The following JMJD1C variants were observed in gnomAD, a reference collection of about 807,000 sequenced individuals.
The protein encoded by JMJD1C is jumonji domain containing 1C, also known as jumonji domain-containing protein 1C.
JMJD1C carries 31 observed loss-of-function variants against 245.3 expected under a neutral mutation model. That is an observed-to-expected ratio of 0.13 (90% CI 0.09 to 0.17). The LOEUF (loss-of-function observed/expected upper bound fraction) is 0.17, where lower values mean the gene tolerates loss of function less well. Ranked by LOEUF, JMJD1C falls within the 10% of genes least tolerant of loss-of-function variation. The probability of loss-of-function intolerance (pLI) is 1.00; values close to 1 mark genes in which losing one functional copy is unlikely to be tolerated. For synonymous variants in JMJD1C, 1,057 were observed against 1,017.4 expected (o/e 1.04, Z -0.74); for missense variants, 2,691 against 3,000.2 (o/e 0.90, Z 2.41).
chr10:63,209,864 G>C (rs971582062), intron 8 of JMJD1C, among the ~76,000 whole-genome samples: 1 of 152,120 alleles, frequency 6.6e-6, no homozygotes, highest in Non-Finnish European at 1.5e-5. Flanking sequence ...TAAGGTGACA[G>C]CAACCTCTTC....
At chr10:63,319,641 T>C (rs1364715912) in intron 2 of JMJD1C, among the ~76,000 whole-genome samples, 1 of 152,320 alleles carries the variant, frequency 6.6e-6, no homozygotes, top group African/African-American at 2.4e-5. Flanking sequence ...ATTTGATAGC[T>C]GTCAATTTTT....
chr10:63,216,828 T>A (rs921144976), intron 5 of JMJD1C, among the ~76,000 whole-genome samples: 1 of 152,258 alleles, frequency 6.6e-6, no homozygotes, highest in East Asian at 1.9e-4. Context: ...AGAAATGTAC[T>A]GTGTGTTTAA....
Position 63,406,510 on chromosome 10 carries a change from TAAAAAAA to T in JMJD1C, c.169-26035_169-26029del, listed in dbSNP as rs1949180573. 1.3e-5 allele frequency among the ~76,000 whole-genome samples: 2 copies of T among 151,734 alleles called. 1 individual carries two copies. The highest frequency in any genetic ancestry group is 4.1e-4 in the South Asian group (2 of 4,828). On this transcript the variant is annotated intron_variant, in intron 1 of 25. Transcript: ENST00000399262. ...TTATTTGTAAGATGGTTTAAAGGCA[TAAAAAAA>T]GAAAAAAGGCTACACCAAGAGGTAA...
chr10:63,178,341 A>G (rs1293865887), intron 22 of JMJD1C, among the ~76,000 whole-genome samples: 1 of 152,232 alleles, frequency 6.6e-6, no homozygotes, highest in Non-Finnish European at 1.5e-5. Context: ...TGATTTTCCC[A>G]GTTTGTTTTA....
chr10:63,418,182 C>T (rs1949907462), intron 1 of JMJD1C, among the ~76,000 whole-genome samples: 1 of 152,118 alleles, frequency 6.6e-6, no homozygotes, highest in Non-Finnish European at 1.5e-5. Flanking sequence ...AGCCATACTA[C>T]TATAGTTTCT....
In JMJD1C at chr10:63,248,529, G is replaced by GATAGATAGATAAATAAATAAATAA. The variant is rs566828473; in HGVS notation, c.447+16121_447+16122insTTATTTATTTATTTATCTATCTAT. ...GAATGAGACCTCATCTCAATAGATA[G>GATAGATAGATAAATAAATAAATAA]ATAAATAAATAAATAAATAAATAAA... On this transcript the variant is annotated intron_variant, in intron 3 of 25. Transcript: ENST00000399262. Among the ~76,000 whole-genome samples, 987 of 137,032 alleles carry GATAGATAGATAAATAAATAAATAA rather than the reference G, an allele frequency of 7.2e-3. 6 individuals are homozygous for GATAGATAGATAAATAAATAAATAA. The highest frequency in any genetic ancestry group is 0.011 in the East Asian group (50 of 4,582). 89.9% of individuals were successfully genotyped at this position (137,032 alleles called of 152,430 possible).
At position 63,223,131 on chromosome 10, in the gene JMJD1C, G is replaced by GC. The variant is rs1554844010; in HGVS notation, c.448-3149dup. On this transcript the variant is annotated intron_variant, in intron 3 of 25. Transcript: ENST00000399262. ...GATAGTTTCAGTAAAGAAATTATCTGCAAAAAAAAAAAACCCAAACAAACA... is the reference window on the plus strand; with the variant it reads ...GATAGTTTCAGTAAAGAAATTATCTGCCAAAAAAAAAAAACCCAAACAAACA... The GC allele has an allele frequency of 1.1e-5, 4 of 362,328 alleles. No individual in the cohort carries two copies. The African/African-American group carries it at 2.4e-4, about 22-fold the overall frequency. 22.4% of individuals were successfully genotyped at this position (362,328 alleles called of 1,614,324 possible).
intron 8 of JMJD1C, among the ~76,000 whole-genome samples, chr10:63,209,900 C>T (rs1333809926): frequency 6.6e-6 from 1 of 152,166 alleles, no homozygotes; most frequent in African/African-American, 2.4e-5. Flanking sequence ...TATCTGACTA[C>T]ATGCTTAAGG....
chr10:63,192,724 AAAAAAC>A (rs1185551383), intron 16 of JMJD1C, among the ~76,000 whole-genome samples: 3 of 152,184 alleles, frequency 2.0e-5, no homozygotes, highest in South Asian at 2.1e-4. Flanking sequence ...GATAGTCTCA[AAAAAAC>A]AAAAACAAAA....
At chr10:63,328,637 T>C (rs1324888788) in intron 2 of JMJD1C, among the ~76,000 whole-genome samples, 1 of 152,234 alleles carries the variant, frequency 6.6e-6, no homozygotes, top group East Asian at 1.9e-4. Context: ...ACAACTTTCA[T>C]CTGAAACTAA....
chr10:63,262,699 T>G (rs764389210), intron 3 of JMJD1C, among the ~76,000 whole-genome samples: 2 of 152,284 alleles, frequency 1.3e-5, no homozygotes, highest in South Asian at 2.1e-4. Context: ...AGAGGGTGAC[T>G]TAGTATATAC....
At chr10:63,250,089 A>G (rs1852850817) in intron 3 of JMJD1C, among the ~76,000 whole-genome samples, 1 of 152,028 alleles carries the variant, frequency 6.6e-6, no homozygotes. Flanking sequence ...AGCTCACTAC[A>G]GCCCCTTCAA....
At chr10:63,419,035 C>A (rs1266599663) in intron 1 of JMJD1C, among the ~76,000 whole-genome samples, 1 of 149,422 alleles carries the variant, frequency 6.7e-6, no homozygotes, top group African/African-American at 2.5e-5. Flanking sequence ...CAAGATCACA[C>A]CACTGCACTC....
intron 8 of JMJD1C, among the ~76,000 whole-genome samples, chr10:63,212,372 C>T (rs1293165404): frequency 6.6e-6 from 1 of 152,150 alleles, no homozygotes; most frequent in African/African-American, 2.4e-5. Context: ...CTAGGGGATA[C>T]TTGATGAGCA....
chr10:63,294,910 A>G (rs1344811350), intron 2 of JMJD1C, among the ~76,000 whole-genome samples: 1 of 152,194 alleles, frequency 6.6e-6, no homozygotes, highest in Non-Finnish European at 1.5e-5. Flanking sequence ...AGCTCCTAGG[A>G]AGTTAATTTT....
chr10:63,185,554 G>A lies in JMJD1C; in HGVS notation c.6830+9C>T, dbSNP rs1844036226. 6.5e-7 allele frequency: 1 copy of A among 1,531,210 alleles called. No homozygotes were observed. Among genetic ancestry groups the A allele is most frequent in the African/African-American group, 1.4e-5 (1 of 74,054 alleles). The allele number at this position is 1,531,210 out of a possible 1,614,324, so 94.9% of individuals were successfully genotyped here. On this transcript the variant is annotated intron_variant, in intron 20 of 25. Transcript: ENST00000399262. ...AAAAAGTCAAGAGTCAAAATGAAAA[G>A]TTTCAAACCTTGCTGGCATCATAGT...
intron 2 of JMJD1C, among the ~76,000 whole-genome samples, chr10:63,364,378 T>A (rs1016452842): frequency 6.6e-6 from 1 of 152,234 alleles, no homozygotes; most frequent in East Asian, 1.9e-4. Flanking sequence ...TGGTCACTAA[T>A]TGACACCCAC....
rs771576680 is a variant in JMJD1C at position 63,357,830 on chromosome 10, C to G, written c.333+22488G>C. ...GTCAAAAGACACAGACAGACAGACA[C>G]ACACACACACACACACACACACACA... On this transcript the variant is annotated intron_variant, in intron 2 of 25. Coordinates refer to ENST00000399262, the MANE Select transcript of JMJD1C (RefSeq NM_032776.3). Among the ~76,000 whole-genome samples the G allele has an allele frequency of 1.7e-3, 36 of 21,636 alleles. 1 individual carries two copies. The highest frequency in any genetic ancestry group is 3.4e-3 in the African/African-American group (29 of 8,546). 14.2% of individuals were successfully genotyped at this position (21,636 alleles called of 152,430 possible).
At position 63,305,627 on chromosome 10, in the gene JMJD1C, G is replaced by GGCGT. The variant is rs1554880780; in HGVS notation, c.334-40867_334-40864dup. Reference sequence around the variant, plus strand: ...GACTACGGGCAAGCACCACCATGCTGGCGTGTGTGTGTGTGTGTGTGTGTG... The same window carrying GGCGT: ...GACTACGGGCAAGCACCACCATGCTGGCGTGCGTGTGTGTGTGTGTGTGTGTGTG... On this transcript the variant is annotated intron_variant, in intron 2 of 25. Coordinates refer to ENST00000399262, the MANE Select transcript of JMJD1C (RefSeq NM_032776.3). 3.7e-4 allele frequency among the ~76,000 whole-genome samples: 22 copies of GGCGT among 58,718 alleles called. 1 individual carries two copies. The highest frequency in any genetic ancestry group is 2.8e-3 in the South Asian group (5 of 1,784). The allele number at this position is 58,718 out of a possible 152,430, so 38.5% of individuals were successfully genotyped here.
Sources: gnomAD v4.1 joint callset for allele counts (sites outside exome capture counted in the v4.1 genomes callset) on GRCh38, gnomAD v4.1.1 for gene constraint, MANE v1.5 for transcripts, NCBI Gene and HGNC (gene_info 2026-07-23, HGNC 2026-07-21) for gene names.